ERCC6L2: variants seen among roughly 807,000 people sequenced by gnomAD.
ERCC6L2 encodes ERCC excision repair 6 like 2.
ERCC6L2 carries 77 observed loss-of-function variants against 132.0 expected under a neutral mutation model. The ratio of observed to expected loss-of-function variants is 0.58; its 90% CI spans 0.49 to 0.71. The LOEUF is 0.71. ERCC6L2 is among the 30% of genes least tolerant of loss of function. The pLI is 0.00. For synonymous variants in ERCC6L2, 583 were observed against 632.4 expected (o/e 0.92, Z 1.17); for missense variants, 1,542 against 1,837.6 (o/e 0.84, Z 2.94).
At chr9:95,994,375 TCTC>T (rs1293290297) in intron 17 of ERCC6L2, among the ~76,000 whole-genome samples, 1 of 151,784 alleles carries the variant, frequency 6.6e-6, no homozygotes, top group Non-Finnish European at 1.5e-5. Flanking sequence ...GCTTTGAAGA[TCTC>T]CTCCTTGTTT....
chr9:96,032,225 A>C (rs956608367), intron 19 of ERCC6L2, among the ~76,000 whole-genome samples: 10 of 151,968 alleles, frequency 6.6e-5, no homozygotes, highest in African/African-American at 2.4e-4. Flanking sequence ...AAGGCCAGGG[A>C]CCCCAGATCT....
intron 12 of ERCC6L2, among the ~76,000 whole-genome samples, chr9:95,949,394 C>A (rs1032184293): frequency 1.3e-5 from 2 of 152,150 alleles, no homozygotes; most frequent in Admixed American, 6.5e-5. Context: ...GAGATCCACA[C>A]TGTGGCACAT....
intron 12 of ERCC6L2, among the ~76,000 whole-genome samples, chr9:95,944,957 G>C (rs912006357): frequency 6.6e-6 from 1 of 152,144 alleles, no homozygotes; most frequent in African/African-American, 2.4e-5. Flanking sequence ...CAGGACCGGG[G>C]CGAAATTAAA....
chr9:95,928,588 A>G, intron 10 of ERCC6L2, 131 bp from the exon 11 acceptor site: 1 of 791,832 alleles, frequency 1.3e-6, no homozygotes, highest in Non-Finnish European at 1.9e-6. Context: ...AAAAATATTT[A>G]TTGTTCTTGG....
intron 17 of ERCC6L2, among the ~76,000 whole-genome samples, chr9:96,000,945 T>A (rs1410369962): frequency 2.6e-5 from 4 of 151,980 alleles, no homozygotes; most frequent in African/African-American, 9.7e-5. Context: ...TAAGGTGGTG[T>A]GTCTGGAGTC....
chr9:95,980,016 A>G (rs1480907207), intron 17 of ERCC6L2, among the ~76,000 whole-genome samples: 1 of 152,218 alleles, frequency 6.6e-6, no homozygotes, highest in Admixed American at 6.5e-5. Context: ...TATACTGGTC[A>G]TTAGCTTATC....
At chr9:95,989,179 G>A (rs1280907662) in intron 17 of ERCC6L2, among the ~76,000 whole-genome samples, 1 of 152,090 alleles carries the variant, frequency 6.6e-6, no homozygotes, top group Non-Finnish European at 1.5e-5. Context: ...CATTACATAG[G>A]TATTGAATCA....
chr9:95,878,939 A>G (rs542228893), intron 1 of ERCC6L2, among the ~76,000 whole-genome samples: 11 of 152,172 alleles, frequency 7.2e-5, no homozygotes, highest in African/African-American at 2.4e-4. Context: ...CAAGTCTGCT[A>G]TTGTGAATAG....
chr9:95,983,248 T>C (rs2133128323), intron 17 of ERCC6L2, among the ~76,000 whole-genome samples: 1 of 152,276 alleles, frequency 6.6e-6, no homozygotes, highest in East Asian at 1.9e-4. Context: ...TAATGAAAAA[T>C]GCTATAGAGA....
intron 13 of ERCC6L2, among the ~76,000 whole-genome samples, chr9:95,956,967 A>T (rs974513073): frequency 6.6e-6 from 1 of 152,158 alleles, no homozygotes; most frequent in African/African-American, 2.4e-5. Flanking sequence ...ACTACCTTAG[A>T]GGTGCATGAT....
In ERCC6L2 at chr9:95,876,026, T is replaced by C; in HGVS notation, c.-13T>C. 1.3e-6 allele frequency: 2 copies of C among 1,585,242 alleles called. No individual in the cohort carries two copies. Among genetic ancestry groups the C allele is most frequent in the Admixed American group, 1.8e-5 (1 of 56,734 alleles). ...GTTACATGCAGCCGGGCTCGGCCCC[T>C]CCCCCTGGCCGGATGGATCCGTCGG... is the stretch of plus-strand genomic sequence containing the variant. On this transcript the variant is annotated 5_prime_UTR_variant, in exon 1 of 19. Transcript: ENST00000653738.
At chr9:95,920,514 G>T (rs1829812462) in intron 6 of ERCC6L2, among the ~76,000 whole-genome samples, 1 of 152,120 alleles carries the variant, frequency 6.6e-6, no homozygotes, top group Admixed American at 6.5e-5. Context: ...ATGTTTTTGG[G>T]AAGTCAGAAG....
intron 17 of ERCC6L2, among the ~76,000 whole-genome samples, chr9:95,983,098 G>A (rs892970130): frequency 2.6e-5 from 4 of 152,188 alleles, no homozygotes. Flanking sequence ...TAGGGGTGAT[G>A]CGTAAATAAG....
chr9:95,927,031 G>C (rs573590108), intron 9 of ERCC6L2, among the ~76,000 whole-genome samples: 1 of 152,012 alleles, frequency 6.6e-6, no homozygotes, highest in East Asian at 1.9e-4. Context: ...ACTTCATATA[G>C]AATCAGTTAT....
Position 96,026,880 on chromosome 9 carries a change from A to T in ERCC6L2, c.*1504-11996A>T, listed in dbSNP as rs797004859. 4.3e-4 allele frequency among the ~76,000 whole-genome samples: 53 copies of T among 122,812 alleles called. 1 individual carries two copies. The highest frequency in any genetic ancestry group is 1.5e-3 in the African/African-American group (52 of 34,900). 80.6% of individuals were successfully genotyped at this position (122,812 alleles called of 152,430 possible). A position where few individuals can be genotyped will look rare whatever the true frequency, so the allele number is the denominator to read the frequency against. ...CAAACACACCACACAGACCCCACACACCACACATACCACAACACACACTAC... is the reference window on the plus strand; with the variant it reads ...CAAACACACCACACAGACCCCACACTCCACACATACCACAACACACACTAC... On this transcript the variant is annotated intron_variant and NMD_transcript_variant, in intron 19 of 20. Coordinates refer to the ERCC6L2 transcript ENST00000670016.
chr9:95,899,600 A>ATATATATGTG (rs746946004), intron 3 of ERCC6L2, among the ~76,000 whole-genome samples: 82 of 134,894 alleles, frequency 6.1e-4, no homozygotes, highest in African/African-American at 2.3e-3. Flanking sequence ...TTATATATAT[A>ATATATATGTG]TGTGTGTGTG....
At chr9:95,986,569 T>C (rs536851353) in intron 17 of ERCC6L2, among the ~76,000 whole-genome samples, 1 of 150,066 alleles carries the variant, frequency 6.7e-6, no homozygotes, top group Admixed American at 6.7e-5. Context: ...TAGTCTCTGC[T>C]CACTGCAACC....
chr9:95,899,432 A>G (rs1037999757), intron 3 of ERCC6L2, among the ~76,000 whole-genome samples: 3 of 152,162 alleles, frequency 2.0e-5, no homozygotes, highest in African/African-American at 7.2e-5. Context: ...AGCCAGGGCA[A>G]TAAAGTGAGA....
chr9:96,029,947 A>G (rs918562822), intron 19 of ERCC6L2, among the ~76,000 whole-genome samples: 5 of 152,214 alleles, frequency 3.3e-5, no homozygotes, highest in Non-Finnish European at 7.3e-5. Flanking sequence ...CCCGGACACC[A>G]GCCACCTCCT....
Sources: gnomAD v4.1 joint callset for allele counts (sites outside exome capture counted in the v4.1 genomes callset) on GRCh38, gnomAD v4.1.1 for gene constraint, MANE v1.5 for transcripts, NCBI Gene and HGNC (gene_info 2026-07-23, HGNC 2026-07-21) for gene names.